Variants in LMBR1 observed in about 807,000 individuals in gnomAD.
The protein encoded by LMBR1 is limb region 1 protein homolog.
LMBR1 carries 52 observed loss-of-function variants against 73.9 expected under a neutral mutation model. The ratio of observed to expected loss-of-function variants is 0.70; its 90% CI spans 0.56 to 0.89. The LOEUF (loss-of-function observed/expected upper bound fraction) is 0.89, where lower values mean the gene tolerates loss of function less well. LMBR1 is among the 40% of genes least tolerant of loss of function. The probability of loss-of-function intolerance (pLI) is 0.00; values close to 1 mark genes in which losing one functional copy is unlikely to be tolerated. For synonymous variants in LMBR1, 215 were observed against 209.4 expected (o/e 1.03, Z -0.23); for missense variants, 539 against 579.8 (o/e 0.93, Z 0.72).
At chr7:156,815,305 T>TA (rs971442154) in intron 4 of LMBR1, among the ~76,000 whole-genome samples, 51 of 147,270 alleles carry the variant, frequency 3.5e-4, no homozygotes, top group East Asian at 3.9e-4. Flanking sequence ...TTAATTTCAC[T>TA]AAAAAAAAAA....
chr7:156,869,871 T>G (rs1799013033), intron 1 of LMBR1, among the ~76,000 whole-genome samples: 1 of 152,052 alleles, frequency 6.6e-6, no homozygotes, highest in Non-Finnish European at 1.5e-5. Context: ...GGAAAAACCG[T>G]CACATGAAAC....
chr7:156,886,678 T>G (rs980423585), intron 1 of LMBR1, among the ~76,000 whole-genome samples: 1 of 152,300 alleles, frequency 6.6e-6, no homozygotes, highest in Non-Finnish European at 1.5e-5. Flanking sequence ...ATATTGCTTA[T>G]CTGGAGGCCA....
chr7:156,807,023 C>T (rs551868017), intron 4 of LMBR1, among the ~76,000 whole-genome samples: 4 of 141,658 alleles, frequency 2.8e-5, no homozygotes, highest in African/African-American at 5.1e-5. Flanking sequence ...TGTATTGTTA[C>T]GACCATATGA....
rs557319217 is a variant in LMBR1, at chr7:156,683,816, T to C, written c.*262A>G. 1.8e-5 allele frequency: 6 copies of C among 338,588 alleles called. No homozygotes were observed. The highest frequency in any genetic ancestry group is 3.2e-5 in the Non-Finnish European group (6 of 188,806). The allele number at this position is 338,588 out of a possible 1,614,324, so 21.0% of individuals were successfully genotyped here. On this transcript the variant is annotated 3_prime_UTR_variant, in exon 17 of 17. Transcript: ENST00000353442. ...GATTGTATTTACCAACATGAGCAAA[T>C]GTCTACAGAAGAATGCGCTGTTCTA...
At chr7:156,818,775 T>C (rs183270633) in intron 4 of LMBR1, among the ~76,000 whole-genome samples, 3 of 152,382 alleles carry the variant, frequency 2.0e-5, no homozygotes, top group Non-Finnish European at 4.4e-5. Flanking sequence ...TATTTTCCTA[T>C]TAATTTTTTA....
At chr7:156,778,774 T>C (rs942248611) in intron 5 of LMBR1, among the ~76,000 whole-genome samples, 2 of 152,222 alleles carry the variant, frequency 1.3e-5, no homozygotes, top group African/African-American at 2.4e-5. Flanking sequence ...TGTTAGACTT[T>C]TGGATGCCAT....
rs565686712 is a variant in LMBR1 at position 156,862,240 on chromosome 7, G to C, written c.67-25355C>G. 1.3e-3 allele frequency among the ~76,000 whole-genome samples: 200 copies of C among 152,322 alleles called. 2 individuals carry two copies. Among genetic ancestry groups the C allele is most frequent in the Non-Finnish European group, 2.0e-3 (134 of 68,028 alleles). On this transcript the variant is annotated intron_variant, in intron 1 of 16. Transcript: ENST00000353442. ...TTACATGGATGGCAGCAGGCAAAGAGAGAAGTTTGTGCAGGGGAACTCTTC... is the reference window on the plus strand; with the variant it reads ...TTACATGGATGGCAGCAGGCAAAGACAGAAGTTTGTGCAGGGGAACTCTTC...
intron 1 of LMBR1, among the ~76,000 whole-genome samples, chr7:156,877,376 A>C (rs528572464): frequency 1.3e-5 from 2 of 152,320 alleles, no homozygotes; most frequent in African/African-American, 4.8e-5. Flanking sequence ...GATAAAGAGA[A>C]AATCCTCCCT....
intron 5 of LMBR1, among the ~76,000 whole-genome samples, chr7:156,774,598 G>GAGGTGGGCAGATCATCTGAGGTC (rs1825793052): frequency 1.3e-5 from 2 of 152,152 alleles, no homozygotes; most frequent in African/African-American, 2.4e-5. Flanking sequence ...TTGGGAGGCT[G>GAGGTGGGCAGATCATCTGAGGTC]AGGTGGGCAG....
downstream of LMBR1, among the ~76,000 whole-genome samples, chr7:156,674,135 C>A (rs1803262112): frequency 6.6e-6 from 1 of 152,228 alleles, no homozygotes; most frequent in African/African-American, 2.4e-5. Context: ...AAATAACCCC[C>A]CGAATTTCAG....
intron 1 of LMBR1, among the ~76,000 whole-genome samples, chr7:156,884,797 C>G (rs1801623101): frequency 2.0e-5 from 3 of 152,246 alleles, no homozygotes; most frequent in African/African-American, 7.2e-5. Flanking sequence ...TAACTGCATT[C>G]TGAACTTACA....
chr7:156,774,159 T>C (rs969577476), intron 5 of LMBR1, among the ~76,000 whole-genome samples: 6 of 151,912 alleles, frequency 3.9e-5, no homozygotes, highest in African/African-American at 1.5e-4. Context: ...AAAACCACAA[T>C]GACACACCAC....
chr7:156,748,309 T>C (rs1820207904), intron 9 of LMBR1, among the ~76,000 whole-genome samples: 2 of 152,108 alleles, frequency 1.3e-5, no homozygotes, highest in Admixed American at 6.5e-5. Flanking sequence ...ATTAAAACAA[T>C]GGTTTGGCTT....
At chr7:156,793,340 T>TC (rs1242873334) in intron 5 of LMBR1, among the ~76,000 whole-genome samples, 2 of 152,190 alleles carry the variant, frequency 1.3e-5, no homozygotes, top group African/African-American at 4.8e-5. Context: ...TAGTAACCTT[T>TC]CCAACTTTCA....
chr7:156,885,079 G>A (rs1188632226), intron 1 of LMBR1, among the ~76,000 whole-genome samples: 3 of 152,182 alleles, frequency 2.0e-5, no homozygotes, highest in African/African-American at 4.8e-5. Context: ...GGCTGGGCAC[G>A]GTGGCTCATG....
At chr7:156,766,561 G>A (rs1824118998) in intron 5 of LMBR1, among the ~76,000 whole-genome samples, 1 of 152,094 alleles carries the variant, frequency 6.6e-6, no homozygotes, top group Non-Finnish European at 1.5e-5. Flanking sequence ...AGTTCTTGAC[G>A]GTTTTTGGCA....
At chr7:156,793,474 T>C (rs1188140090) in intron 5 of LMBR1, among the ~76,000 whole-genome samples, 1 of 152,238 alleles carries the variant, frequency 6.6e-6, no homozygotes, top group African/African-American at 2.4e-5. Context: ...TCAAACAAGT[T>C]TGTTTCAAAG....
chr7:156,890,751 TG>T (rs1464982227), intron 1 of LMBR1, among the ~76,000 whole-genome samples: 9 of 152,332 alleles, frequency 5.9e-5, no homozygotes, highest in Non-Finnish European at 1.2e-4. Context: ...CTGGCGGAAG[TG>T]TACACTGGTA....
intron 5 of LMBR1, among the ~76,000 whole-genome samples, chr7:156,783,727 T>C (rs1171678743): frequency 6.6e-6 from 1 of 152,212 alleles, no homozygotes. Flanking sequence ...TATTTGCCGC[T>C]ATGCAGTTTC....
Sources: allele counts gnomAD v4.1 joint callset (sites outside exome capture counted in the v4.1 genomes callset), GRCh38; gene constraint gnomAD v4.1.1; transcripts MANE v1.5; gene names NCBI Gene and HGNC (gene_info 2026-07-23, HGNC 2026-07-21).